Variants in RBM33 observed in about 807,000 individuals in gnomAD.
RBM33 encodes the protein RNA binding motif protein 33, also known as RNA-binding protein 33.
RBM33 carries 28 observed loss-of-function variants against 132.6 expected under a neutral mutation model. That is an observed-to-expected ratio of 0.21 (90% confidence interval 0.16 to 0.29). The LOEUF is 0.29. Among genes scored for constraint, RBM33 ranks in the 10% least tolerant of loss-of-function variants. The pLI is 1.00. For missense variants in RBM33, 1,291 were observed against 1,518.5 expected (o/e 0.85, Z 2.49); for synonymous variants, 634 against 593.0 (o/e 1.07, Z -1.01).
At chr7:155,704,663 A>G (rs1300414276) in intron 6 of RBM33, among the ~76,000 whole-genome samples, 1 of 152,182 alleles carries the variant, frequency 6.6e-6, no homozygotes, top group Non-Finnish European at 1.5e-5. Context: ...GAAAGACTGC[A>G]TTTATTTTTA....
intron 5 of RBM33, among the ~76,000 whole-genome samples, chr7:155,684,344 T>C (rs10230730): frequency 1.3e-5 from 2 of 152,214 alleles, no homozygotes; most frequent in Non-Finnish European, 2.9e-5. Flanking sequence ...TTTTCTTCTC[T>C]GCAGTTGCGG....
intron 5 of RBM33, among the ~76,000 whole-genome samples, chr7:155,687,535 A>T (rs1799515939): frequency 6.6e-6 from 1 of 152,050 alleles, no homozygotes; most frequent in African/African-American, 2.4e-5. Flanking sequence ...GGTGTTTTAG[A>T]CATGAAGTCC....
In RBM33 at chr7:155,685,178, A is replaced by C. The variant is rs1799442621; in HGVS notation, c.567+4270A>C. ...TTTGAACTGTGAGTGTATAGTGAAA[A>C]ACTTGAACTTTCTAGGCTCCTTGGG... On this transcript the variant is annotated intron_variant, in intron 5 of 17. Coordinates refer to ENST00000401878, the MANE Select transcript of RBM33 (RefSeq NM_053043.3). 5.1e-6 allele frequency: 5 copies of C among 975,736 alleles called. No homozygotes were observed. In the East Asian group the frequency reaches 1.1e-4, roughly 21 times the overall value. 60.4% of individuals were successfully genotyped at this position (975,736 alleles called of 1,614,324 possible). A position where few individuals can be genotyped will look rare whatever the true frequency, so the allele number is the denominator to read the frequency against.
In RBM33 at chr7:155,754,948, A is replaced by G. The variant is rs147908950; in HGVS notation, c.2980-8864A>G. 1.3e-3 allele frequency among the ~76,000 whole-genome samples: 192 copies of G among 152,320 alleles called. 1 individual carries two copies. The highest frequency in any genetic ancestry group is 4.1e-3 in the African/African-American group (169 of 41,566). On this transcript the variant is annotated intron_variant, in intron 14 of 17. Coordinates refer to ENST00000401878, the MANE Select transcript of RBM33 (RefSeq NM_053043.3). The stretch of plus-strand genomic sequence containing the variant: ...CCATGTTTTGCATGCTTACTATTTC[A>G]TGAGGATAATTCATTGCAGAGAAGA...
intron 16 of RBM33, among the ~76,000 whole-genome samples, chr7:155,772,134 T>A (rs1802445513): frequency 6.6e-6 from 1 of 152,260 alleles, no homozygotes; most frequent in African/African-American, 2.4e-5. Context: ...GCAGCTGTTG[T>A]GTGAAACTGT....
Position 155,704,503 on chromosome 7 carries a change from T to C in RBM33, c.740-2357T>C, listed in dbSNP as rs115638170. ...GAATGGTTCACTGTGAAAATGCCAG[T>C]CGCCATTTCTGAAGATGGTGTCACT... On this transcript the variant is annotated intron_variant, in intron 6 of 17. Transcript: ENST00000401878. 1.4e-3 allele frequency among the ~76,000 whole-genome samples: 216 copies of C among 152,324 alleles called. 4 individuals carry two copies. Among genetic ancestry groups the C allele is most frequent in the African/African-American group, 5.0e-3 (206 of 41,576 alleles).
At chr7:155,701,085 TGA>T in intron 6 of RBM33, 141 bp downstream of exon 6, 2 of 715,918 alleles carry the variant, frequency 2.8e-6, no homozygotes, top group Non-Finnish European at 5.1e-6. Context: ...GACTTTGGAG[TGA>T]GTGCTGTTTA....
chr7:155,736,259 A>C (rs1156634610), intron 9 of RBM33, among the ~76,000 whole-genome samples: 1 of 152,212 alleles, frequency 6.6e-6, no homozygotes, highest in Non-Finnish European at 1.5e-5. Flanking sequence ...ACAGTGAGTT[A>C]GTGATAAAAT....
At chr7:155,677,239 G>A (rs1299038876) in intron 3 of RBM33, among the ~76,000 whole-genome samples, 2 of 136,074 alleles carry the variant, frequency 1.5e-5, no homozygotes, top group African/African-American at 5.5e-5. Context: ...TTTTTTTTGA[G>A]ATGGAGTTTC....
At position 155,779,841 on chromosome 7, in the gene RBM33, C is replaced by G. The variant is rs191469356; in HGVS notation, c.*4800C>G. ...ACGGAACAGGTATTTTAGTGAGACA[C>G]TTCTGAGTACTTGCTTTTTCCTTTG... On this transcript the variant is annotated 3_prime_UTR_variant, in exon 18 of 18. Coordinates refer to ENST00000401878, the MANE Select transcript of RBM33 (RefSeq NM_053043.3). 6 of 152,190 alleles carry G rather than the reference C, an allele frequency of 3.9e-5. No homozygotes were observed. Among genetic ancestry groups the G allele is most frequent in the Non-Finnish European group, 8.8e-5 (6 of 68,038 alleles). 9.4% of individuals were successfully genotyped at this position (152,190 alleles called of 1,614,324 possible). A position where few individuals can be genotyped will look rare whatever the true frequency, so the allele number is the denominator to read the frequency against.
At chr7:155,701,812 C>T (rs376436186) in intron 6 of RBM33, among the ~76,000 whole-genome samples, 16 of 152,128 alleles carry the variant, frequency 1.1e-4, no homozygotes, top group African/African-American at 3.1e-4. Flanking sequence ...TTCAGCCTCC[C>T]GAGTAGCTGG....
intron 9 of RBM33, among the ~76,000 whole-genome samples, chr7:155,733,918 A>G (rs1161080457): frequency 6.6e-6 from 1 of 152,204 alleles, no homozygotes; most frequent in East Asian, 1.9e-4. Flanking sequence ...CTACCAGAAA[A>G]GTGAGAAAAT....
chr7:155,731,329 G>A (rs1800951302), intron 9 of RBM33, among the ~76,000 whole-genome samples: 1 of 152,168 alleles, frequency 6.6e-6, no homozygotes, highest in Non-Finnish European at 1.5e-5. Flanking sequence ...CCCCAGTAGA[G>A]ACCATGGTTT....
intron 9 of RBM33, among the ~76,000 whole-genome samples, chr7:155,722,531 A>G (rs908879391): frequency 7.9e-5 from 12 of 152,230 alleles, no homozygotes; most frequent in Admixed American, 3.9e-4. Flanking sequence ...TGCAAAGGCT[A>G]TACCTGGTGT....
chr7:155,709,790 A>T (rs1384749856), intron 7 of RBM33, among the ~76,000 whole-genome samples: 3 of 152,158 alleles, frequency 2.0e-5, no homozygotes, highest in Non-Finnish European at 4.4e-5. Context: ...AAGGAGGGGG[A>T]AACATACTGC....
rs1400084915 is a variant in RBM33, at chr7:155,716,307, T to A, written c.1202-2078T>A. Among the ~76,000 whole-genome samples the A allele has an allele frequency of 3.6e-5, 5 of 137,494 alleles. No homozygotes were observed. In the East Asian group the frequency reaches 1.1e-3, roughly 30 times the overall value. The allele number at this position is 137,494 out of a possible 152,430, so 90.2% of individuals were successfully genotyped here. Reference sequence around the variant, plus strand: ...AACCCTTTTTGTCAGCTGTTTTTCCTTTTCTGCTGTTTTTTTTTTTTTTTT... The same window carrying A: ...AACCCTTTTTGTCAGCTGTTTTTCCATTTCTGCTGTTTTTTTTTTTTTTTT... On this transcript the variant is annotated intron_variant, in intron 8 of 17. Transcript: ENST00000401878.
In RBM33 at chr7:155,744,407, C is replaced by G. The variant is rs140697202; in HGVS notation, c.2338-554C>G. Among the ~76,000 whole-genome samples the G allele has an allele frequency of 1.7e-4, 26 of 152,266 alleles. No homozygotes were observed. The East Asian group carries it at 2.5e-3, about 15-fold the overall frequency. On this transcript the variant is annotated intron_variant, in intron 13 of 17. Transcript: ENST00000401878. ...ACCATTAATATTCCAATACTGCAAT[C>G]GGCAACATTTTGATTCTGAGGAGAG...
chr7:155,724,203 A>G (rs1223100332), intron 9 of RBM33, among the ~76,000 whole-genome samples: 1 of 151,700 alleles, frequency 6.6e-6, no homozygotes, highest in Non-Finnish European at 1.5e-5. Flanking sequence ...GTTTAGGTGC[A>G]TTTTTAAGGC....
rs764341278 is a variant in RBM33 at position 155,774,954 on chromosome 7, T to G, written c.3465-39T>G. 3.1e-6 allele frequency: 5 copies of G among 1,601,836 alleles called. No individual in the cohort carries two copies. The Admixed American group carries it at 8.3e-5, about 27-fold the overall frequency. On this transcript the variant is annotated intron_variant, in intron 17 of 17. Transcript: ENST00000401878. The surrounding 1 kb of genome is among the most constrained non-coding windows in gnomAD (Gnocchi z 4.2). ...CACCTTGGTAGGTTGATTGCCGATG[T>G]GCAGGGTTAGTGTCGATCGTTTCTT... is the stretch of plus-strand genomic sequence containing the variant.
Sources: allele counts gnomAD v4.1 joint callset (sites outside exome capture counted in the v4.1 genomes callset), GRCh38; gene constraint gnomAD v4.1.1; non-coding constraint Gnocchi (gnomAD v3.1); transcripts MANE v1.5; gene names NCBI Gene and HGNC (gene_info 2026-07-23, HGNC 2026-07-21).